Variants in TFEC observed in about 807,000 individuals in gnomAD.
TFEC encodes the protein transcription factor EC, also known as class E basic helix-loop-helix protein 34.
In TFEC, 31 loss-of-function variants were observed where a neutral mutation model predicts 41.6. The observed-to-expected ratio is 0.74, with a 90% confidence interval of 0.56 to 1.01. The LOEUF (loss-of-function observed/expected upper bound fraction) is 1.01. Among genes scored for constraint, TFEC ranks in the 50% least tolerant of loss-of-function variants. The pLI, the probability that TFEC is intolerant of heterozygous loss-of-function variation, is 0.00. For synonymous variants in TFEC, 143 were observed against 140.6 expected (o/e 1.02, Z -0.12); for missense variants, 402 against 404.1 (o/e 0.99, Z 0.04).
intron 3 of TFEC, among the ~76,000 whole-genome samples, chr7:115,965,746 G>A (rs1204438707): frequency 6.6e-6 from 1 of 151,610 alleles, no homozygotes; most frequent in Non-Finnish European, 1.5e-5. Flanking sequence ...AAACATCTAA[G>A]TAAAATTAAC....
At chr7:116,067,349 T>G (rs1452036116) in intron 3 of TFEC, among the ~76,000 whole-genome samples, 4 of 152,090 alleles carry the variant, frequency 2.6e-5, no homozygotes, top group Non-Finnish European at 2.9e-5. Flanking sequence ...CTGCAATGCC[T>G]CTGATTTCAG....
At chr7:116,055,110 T>C (rs1211366569) in intron 3 of TFEC, among the ~76,000 whole-genome samples, 2 of 152,140 alleles carry the variant, frequency 1.3e-5, no homozygotes, top group Admixed American at 6.5e-5. Flanking sequence ...ATCTCTTGGT[T>C]GTTAATTCAG....
chr7:116,050,231 G>A (rs1220882991), intron 3 of TFEC, among the ~76,000 whole-genome samples: 2 of 152,164 alleles, frequency 1.3e-5, no homozygotes, highest in East Asian at 1.9e-4. Context: ...TTGATAGACA[G>A]CTAGCAAGAC....
chr7:116,152,492 G>C (rs1009230539), intron 1 of TFEC, among the ~76,000 whole-genome samples: 1 of 152,192 alleles, frequency 6.6e-6, no homozygotes, highest in South Asian at 2.1e-4. Context: ...AGCGGGTACT[G>C]ATCAGGGCAT....
intron 3 of TFEC, among the ~76,000 whole-genome samples, chr7:116,093,956 T>C (rs1487478742): frequency 6.6e-6 from 1 of 152,200 alleles, no homozygotes; most frequent in Non-Finnish European, 1.5e-5. Flanking sequence ...GTGATTTTCC[T>C]TCATTTTCCA....
intron 2 of TFEC, among the ~76,000 whole-genome samples, chr7:115,983,133 A>T (rs1262283299): frequency 6.6e-6 from 1 of 152,108 alleles, no homozygotes; most frequent in Non-Finnish European, 1.5e-5. Context: ...CAATCTTCAT[A>T]GACTGAATAG....
In TFEC at chr7:115,992,695, A is replaced by T. The variant is rs1794179144; in HGVS notation, c.-72-8182T>A. 3.9e-5 allele frequency among the ~76,000 whole-genome samples: 6 copies of T among 152,206 alleles called. No individual in the cohort carries two copies. In the South Asian group the frequency reaches 1.2e-3, roughly 32 times the overall value. ...TGAATAGGCCAATAACAGGCTCTGA[A>T]ATTGAGGCAATAATTAATAGCCTAC... On this transcript the variant is annotated intron_variant, in intron 1 of 7. Coordinates refer to ENST00000265440, the MANE Select transcript of TFEC (RefSeq NM_012252.4).
chr7:116,091,861 T>C (rs1562966090), intron 3 of TFEC, among the ~76,000 whole-genome samples: 1 of 146,974 alleles, frequency 6.8e-6, no homozygotes, highest in Non-Finnish European at 1.5e-5. Context: ...ATAATTACGC[T>C]AAAAAAAAAA....
At chr7:116,144,295 T>A (rs1018727399) in intron 1 of TFEC, among the ~76,000 whole-genome samples, 1 of 152,128 alleles carries the variant, frequency 6.6e-6, no homozygotes, top group Non-Finnish European at 1.5e-5. Flanking sequence ...GGTATTTGGA[T>A]TATTAAACTG....
In TFEC at chr7:115,954,637, C is replaced by A; in HGVS notation, c.388G>T (p.Asp130Tyr). 1 of 1,611,106 alleles carries A rather than the reference C, an allele frequency of 6.2e-7. No homozygotes were observed. Among genetic ancestry groups the A allele is most frequent in the South Asian group, 1.1e-5 (1 of 90,792 alleles). Residue 130 changes from aspartate to tyrosine, a missense_variant, in exon 5 of 8, where the codon GAC becomes TAC. Transcript: ENST00000265440. ...LPMKREITET[D>Y]TRALAKERQK... Reference sequence around the variant, plus strand: ...CTCTCTTTTGCTAAAGCTCTAGTGTCAGTTTCTGATCAAAAGAAAAATAAT... The same window carrying A: ...CTCTCTTTTGCTAAAGCTCTAGTGTAAGTTTCTGATCAAAAGAAAAATAAT...
intron 1 of TFEC, among the ~76,000 whole-genome samples, chr7:116,007,690 A>G (rs1794851489): frequency 6.6e-6 from 1 of 152,192 alleles, no homozygotes; most frequent in Admixed American, 6.5e-5. Flanking sequence ...TAAGAAATTT[A>G]AGAAACAAGT....
At position 115,935,618 on chromosome 7, in the gene TFEC, CTTCTT is replaced by C. The variant is rs942916767; in HGVS notation, c.*4928_*4932del. 1.2e-4 allele frequency: 18 copies of C among 151,616 alleles called. No individual in the cohort carries two copies. Among genetic ancestry groups the C allele is most frequent in the Admixed American group, 1.2e-3 (18 of 15,208 alleles). The allele number at this position is 151,616 out of a possible 1,614,324, so 9.4% of individuals were successfully genotyped here. A position where few individuals can be genotyped will look rare whatever the true frequency, so the allele number is the denominator to read the frequency against. On this transcript the variant is annotated 3_prime_UTR_variant, in exon 8 of 8. Transcript: ENST00000265440. ...ATAATTCTTTCAGCAAAATCAGTCT[CTTCTT>C]TTATTTGTATATTTTGTCTGCTACA... is the stretch of plus-strand genomic sequence containing the variant.
chr7:116,039,058 T>C (rs1175154280), intron 3 of TFEC, among the ~76,000 whole-genome samples: 4 of 152,070 alleles, frequency 2.6e-5, no homozygotes, highest in African/African-American at 4.8e-5. Context: ...AAGCAGTCCA[T>C]GGTTATGCCT....
At chr7:115,964,025 G>A (rs1792710720) in intron 3 of TFEC, among the ~76,000 whole-genome samples, 1 of 151,586 alleles carries the variant, frequency 6.6e-6, no homozygotes, top group African/African-American at 2.4e-5. Flanking sequence ...AGCGTTGTAA[G>A]TTTTAGCCAG....
chr7:116,003,039 A>G (rs901392622), intron 1 of TFEC, among the ~76,000 whole-genome samples: 10 of 152,182 alleles, frequency 6.6e-5, no homozygotes, highest in African/African-American at 2.4e-4. Context: ...GAAAATAGTA[A>G]CACATAGAAT....
At chr7:115,943,746 A>T (rs1327693329) in intron 6 of TFEC, among the ~76,000 whole-genome samples, 2 of 151,616 alleles carry the variant, frequency 1.3e-5, no homozygotes, top group Non-Finnish European at 2.9e-5. Flanking sequence ...TAAAGAATGA[A>T]TGTTGATAGT....
intron 3 of TFEC, among the ~76,000 whole-genome samples, chr7:115,962,068 G>A (rs560994817): frequency 1.3e-3 from 203 of 151,526 alleles, no homozygotes; most frequent in African/African-American, 4.6e-3. Flanking sequence ...AACTGAAAAA[G>A]AAATTAAGAA....
At chr7:116,075,111 T>G (rs974165395) in intron 3 of TFEC, among the ~76,000 whole-genome samples, 1 of 152,178 alleles carries the variant, frequency 6.6e-6, no homozygotes, top group East Asian at 1.9e-4. Context: ...TGTTCTAAAG[T>G]TAGATTGTGG....
chr7:115,983,173 A>C (rs1264758403), intron 2 of TFEC, among the ~76,000 whole-genome samples: 5 of 152,090 alleles, frequency 3.3e-5, no homozygotes, highest in Admixed American at 3.3e-4. Flanking sequence ...ATTTTTTAGG[A>C]AAGTTTTTTA....
Sources: allele counts gnomAD v4.1 joint callset (sites outside exome capture counted in the v4.1 genomes callset), GRCh38; gene constraint gnomAD v4.1.1; transcripts MANE v1.5; gene names NCBI Gene and HGNC (gene_info 2026-07-23, HGNC 2026-07-21).